WDFY4: variants seen among roughly 807,000 people sequenced by gnomAD.
The protein encoded by WDFY4 is WD repeat- and FYVE domain-containing protein 4.
In WDFY4, 169 loss-of-function variants were observed where a neutral mutation model predicts 351.9. That is an observed-to-expected ratio of 0.48 (90% CI 0.42 to 0.55). The LOEUF (loss-of-function observed/expected upper bound fraction) is 0.55, where lower values mean the gene tolerates loss of function less well. Ranked by LOEUF, WDFY4 falls within the 20% of genes least tolerant of loss-of-function variation. The pLI is 0.00. For synonymous variants in WDFY4, 1,622 were observed against 1,574.6 expected (o/e 1.03, Z -0.71); for missense variants, 3,803 against 3,935.6 (o/e 0.97, Z 0.90).
At chr10:48,798,265 A>G (rs1307927545) in intron 24 of WDFY4, among the ~76,000 whole-genome samples, 4 of 152,176 alleles carry the variant, frequency 2.6e-5, no homozygotes, top group Non-Finnish European at 5.9e-5. Flanking sequence ...CAAAATCAAA[A>G]CGCAGAGAAA....
intron 39 of WDFY4, among the ~76,000 whole-genome samples, chr10:48,840,425 T>TACAA (rs2068557843): frequency 6.9e-6 from 1 of 145,634 alleles, no homozygotes; most frequent in African/African-American, 2.5e-5. Context: ...CACATACACA[T>TACAA]ACACACACAC....
At chr10:48,944,407 G>C (rs904596428) in intron 49 of WDFY4, among the ~76,000 whole-genome samples, 1 of 152,250 alleles carries the variant, frequency 6.6e-6, no homozygotes, top group African/African-American at 2.4e-5. Context: ...AGCTGGACCA[G>C]GGTGATTTCT....
intron 47 of WDFY4, among the ~76,000 whole-genome samples, chr10:48,931,053 G>T (rs532622615): frequency 2.7e-5 from 4 of 150,046 alleles, no homozygotes; most frequent in Non-Finnish European, 4.4e-5. Context: ...TTTCTAACCA[G>T]AAAAAAAAGG....
At chr10:48,787,887 TCTTCTCCTTCTTCTTCTTC>T (rs2066490427) in intron 20 of WDFY4, among the ~76,000 whole-genome samples, 2 of 78,716 alleles carry the variant, frequency 2.5e-5, no homozygotes, top group Admixed American at 1.2e-4. Context: ...TCTTTCTTCT[TCTTCTCCTTCTTCTTCTTC>T]TTCTTCTTCT....
chr10:48,886,828 T>A (rs1431275233), intron 43 of WDFY4, among the ~76,000 whole-genome samples: 1 of 152,170 alleles, frequency 6.6e-6, no homozygotes, highest in South Asian at 2.1e-4. Flanking sequence ...ATTTTACCCA[T>A]CAAGAGTGCT....
intron 31 of WDFY4, among the ~76,000 whole-genome samples, chr10:48,814,870 T>A (rs2067569433): frequency 6.6e-6 from 1 of 152,250 alleles, no homozygotes; most frequent in African/African-American, 2.4e-5. Flanking sequence ...TTCGACCATA[T>A]CCTCACAGAG....
chr10:48,778,505 C>G (rs2066110932), intron 17 of WDFY4, 106 bp from the exon 18 acceptor site: 2 of 1,131,336 alleles, frequency 1.8e-6, no homozygotes. Context: ...AGGCAAGACA[C>G]CCAGTAGGTG....
In WDFY4 at chr10:48,830,115, G is replaced by A. The variant is rs149205017; in HGVS notation, c.6341-585G>A. ...TTTAGGCATGGTTCAGGGGATTACA[G>A]ATGTGGGGCACAGCAGACACAGTTG... On this transcript the variant is annotated intron_variant, in intron 37 of 61. Transcript: ENST00000325239. 2.8e-3 allele frequency among the ~76,000 whole-genome samples: 425 copies of A among 152,324 alleles called. 2 individuals carry two copies. The highest frequency in any genetic ancestry group is 4.9e-3 in the Non-Finnish European group (334 of 68,022).
chr10:48,723,540 T>A lies in WDFY4; in HGVS notation c.564T>A (p.Asp188Glu). The change falls in exon 5 of 62, where the codon GAT becomes GAA. Residue 188 changes from aspartate to glutamate, a missense_variant. Around this residue, in one of 3 missense-constraint regions of WDFY4, gnomAD observed 488 missense variants for 456.8 expected, o/e 1.07. Transcript: ENST00000325239. ...PLDKDELLES[D>E]LQVQKMFVQM... ...ACAAAGATGAGCTTCTTGAGAGTGA[T>A]CTTCAAGTTCAAAAGATGTTCGTGC... 6.4e-7 allele frequency: 1 copy of A among 1,551,942 alleles called. No homozygotes were observed. Among genetic ancestry groups the A allele is most frequent in the South Asian group, 1.2e-5 (1 of 84,064 alleles).
intron 39 of WDFY4, among the ~76,000 whole-genome samples, chr10:48,837,012 G>A (rs943495075): frequency 7.2e-5 from 11 of 152,130 alleles, no homozygotes; most frequent in Admixed American, 1.3e-4. Context: ...GGTACACCAT[G>A]GCAATGTGGG....
At position 48,787,868 on chromosome 10, in the gene WDFY4, TTTCTTCTTTCTTTCTTCTTCTTC is replaced by T. The variant is rs1565197981; in HGVS notation, c.3809-660_3809-638del. 8.2e-4 allele frequency among the ~76,000 whole-genome samples: 85 copies of T among 104,104 alleles called. 10 individuals carry two copies. Among genetic ancestry groups the T allele is most frequent in the African/African-American group, 4.6e-3 (80 of 17,542 alleles). The allele number at this position is 104,104 out of a possible 152,430, so 68.3% of individuals were successfully genotyped here. ...TTCTTCTTCTTCTTCTTTCTTCTTC[TTTCTTCTTTCTTTCTTCTTCTTC>T]TCCTTCTTCTTCTTCTTCTTCTTCT... On this transcript the variant is annotated intron_variant, in intron 20 of 61. Coordinates refer to ENST00000325239, the MANE Select transcript of WDFY4 (RefSeq NM_001394531.1).
intron 44 of WDFY4, among the ~76,000 whole-genome samples, chr10:48,891,555 G>T (rs1053343256): frequency 5.3e-5 from 8 of 152,232 alleles, no homozygotes; most frequent in African/African-American, 1.9e-4. Context: ...GCCTTTTCCA[G>T]TTGACCCAGG....
At position 48,805,850 on chromosome 10, in the gene WDFY4, A is replaced by G. The variant is rs77146560; in HGVS notation, c.4647-154A>G. The stretch of plus-strand genomic sequence containing the variant: ...TCTGGTGAATCCTGACTGATTTTAG[A>G]AGTCTCTGGAAATACACAGCATGCC... On this transcript the variant is annotated intron_variant, in intron 26 of 61. Coordinates refer to ENST00000325239, the MANE Select transcript of WDFY4 (RefSeq NM_001394531.1). Among the ~76,000 whole-genome samples the G allele has an allele frequency of 3.1e-3, 475 of 152,280 alleles. 4 individuals are homozygous for G. Among genetic ancestry groups the G allele is most frequent in the Admixed American group, 5.4e-3 (82 of 15,298 alleles).
chr10:48,881,818 C>G (rs2070260370), intron 43 of WDFY4, among the ~76,000 whole-genome samples: 1 of 152,164 alleles, frequency 6.6e-6, no homozygotes, highest in Non-Finnish European at 1.5e-5. Flanking sequence ...TGCCCATTCA[C>G]TCTTGTCTCC....
intron 28 of WDFY4, among the ~76,000 whole-genome samples, chr10:48,809,695 T>C (rs1361405751): frequency 6.6e-6 from 1 of 152,176 alleles, no homozygotes; most frequent in Non-Finnish European, 1.5e-5. Context: ...TCACCATCAT[T>C]ATCAACATAA....
chr10:48,804,771 G>A, intron 25 of WDFY4: 5 of 969,300 alleles, frequency 5.2e-6, no homozygotes, highest in Non-Finnish European at 6.1e-6. Flanking sequence ...GTGAGTATCT[G>A]AGGGAGGGGG....
chr10:48,921,081 C>A (rs1409501117), intron 47 of WDFY4, among the ~76,000 whole-genome samples: 1 of 151,938 alleles, frequency 6.6e-6, no homozygotes, highest in Non-Finnish European at 1.5e-5. Flanking sequence ...TTGGTCTAAT[C>A]AAAATTACAG....
intron 2 of WDFY4, among the ~76,000 whole-genome samples, chr10:48,717,486 A>ATTCTAT (rs1437045754): frequency 1.3e-5 from 2 of 152,218 alleles, no homozygotes; most frequent in Non-Finnish European, 2.9e-5. Context: ...CAGGTAAACC[A>ATTCTAT]AGCTCCCTGT....
chr10:48,693,484 G>A (rs1027197209), intron 1 of WDFY4, among the ~76,000 whole-genome samples: 7 of 152,184 alleles, frequency 4.6e-5, no homozygotes, highest in Non-Finnish European at 8.8e-5. Flanking sequence ...CCTTCGGCAC[G>A]TTGAATAATT....
Sources: gnomAD v4.1 joint callset for allele counts (sites outside exome capture counted in the v4.1 genomes callset) on GRCh38, gnomAD v4.1.1 for gene constraint, gnomAD v4.1.1 regional missense constraint, MANE v1.5 for transcripts, NCBI Gene and HGNC (gene_info 2026-07-23, HGNC 2026-07-21) for gene names.